The following ERMP1 variants were observed in gnomAD, a reference collection of about 807,000 sequenced individuals.
The protein encoded by ERMP1 is endoplasmic reticulum metallopeptidase 1, also known as Felix-ina.
A neutral mutation model predicts 92.0 loss-of-function variants in ERMP1; 86 were observed. The ratio of observed to expected loss-of-function variants is 0.93; its 90% CI spans 0.79 to 1.12. The LOEUF is 1.12. ERMP1 is among the 50% of genes most tolerant of loss of function. The pLI is 0.00. For synonymous variants in ERMP1, 530 were observed against 412.8 expected, an observed-to-expected ratio of 1.28 and a Z score of -3.44; for missense variants, 1,342 against 1,116.3, an observed-to-expected ratio of 1.20 and a Z score of -2.88.
intron 6 of ERMP1, among the ~76,000 whole-genome samples, chr9:5,857,321 C>T (rs551957581): frequency 3.9e-5 from 6 of 152,148 alleles, no homozygotes; most frequent in African/African-American, 9.6e-5. Flanking sequence ...TGTGCATGGC[C>T]GAAATTTTTT....
intron 6 of ERMP1, among the ~76,000 whole-genome samples, chr9:5,859,438 A>G (rs192764163): frequency 1.3e-5 from 2 of 152,332 alleles, no homozygotes; most frequent in Admixed American, 6.5e-5. Flanking sequence ...GAGGAATTTA[A>G]TAACTAATCT....
rs1334782333 is a variant in ERMP1, at chr9:5,786,005, TG to T, written c.*1138del. 1.3e-5 allele frequency: 2 copies of T among 152,242 alleles called. No homozygotes were observed. Among genetic ancestry groups the T allele is most frequent in the African/African-American group, 4.8e-5 (2 of 41,454 alleles). The allele number at this position is 152,242 out of a possible 1,614,324, so 9.4% of individuals were successfully genotyped here. On this transcript the variant is annotated 3_prime_UTR_variant, in exon 15 of 15. Coordinates refer to ENST00000339450, the MANE Select transcript of ERMP1 (RefSeq NM_024896.3). ...ATGAAAACCACCTTTTAAGTCCTCATGCTGCCATTACGCAGGATCTGAACCA... is the reference window on the plus strand; with the variant it reads ...ATGAAAACCACCTTTTAAGTCCTCATCTGCCATTACGCAGGATCTGAACCA...
chr9:5,832,543 G>T, intron 1 of ERMP1, 147 bp downstream of exon 1: 1 of 586,858 alleles, frequency 1.7e-6, no homozygotes, highest in Non-Finnish European at 2.7e-6. Flanking sequence ...GGACAAGCAA[G>T]GTCACCCCAC....
chr9:5,787,279 G>A lies in ERMP1; in HGVS notation c.2580C>T (p.Val860=), dbSNP rs745552069. ...QVSEEHPEGM[V]TVAIAAHYLS... ...GATAGTGGGCAGCAATGGCCACGGTGACCATTCCTTCAGGATGTTCTTCTG... is the reference window on the plus strand; with the variant it reads ...GATAGTGGGCAGCAATGGCCACGGTAACCATTCCTTCAGGATGTTCTTCTG... The change falls in exon 15 of 15, where the codon GTC becomes GTT. Residue 860 remains valine, a synonymous_variant. Coordinates refer to ENST00000339450, the MANE Select transcript of ERMP1 (RefSeq NM_024896.3). The A allele has an allele frequency of 3.1e-5, 50 of 1,613,576 alleles. No individual in the cohort carries two copies. Among genetic ancestry groups the A allele is most frequent in the Non-Finnish European group, 4.2e-5 (50 of 1,179,866 alleles).
At chr9:5,798,509 C>G (rs907851316) in intron 12 of ERMP1, among the ~76,000 whole-genome samples, 3 of 152,152 alleles carry the variant, frequency 2.0e-5, no homozygotes, top group African/African-American at 4.8e-5. Context: ...AGCCACCGTG[C>G]CCGGCCACAA....
At chr9:5,799,968 C>G (rs1020236191) in intron 11 of ERMP1, among the ~76,000 whole-genome samples, 17 of 152,136 alleles carry the variant, frequency 1.1e-4, no homozygotes, top group Non-Finnish European at 2.1e-4. Flanking sequence ...AGGACTATAA[C>G]AAGGAATTGT....
chr9:5,854,719 G>T (rs1830352452), intron 6 of ERMP1, among the ~76,000 whole-genome samples: 1 of 152,076 alleles, frequency 6.6e-6, no homozygotes, highest in Non-Finnish European at 1.5e-5. Context: ...TAGATATGGG[G>T]TTTTGCCATG....
Position 5,823,929 on chromosome 9 carries a change from C to T in ERMP1, c.841G>A (p.Gly281Ser). ...IRAFINLEAA[G>S]VGGKELVFQT... ...AATACAAGTTCTTTCCCTCCTACAC[C>T]TGCTGCCTCTAGGTTAATGAATGCA... is the stretch of plus-strand genomic sequence containing the variant. The change falls in exon 4 of 15, where the codon GGT becomes AGT. Residue 281 changes from glycine (G) to serine (S), a missense_variant. Coordinates refer to ENST00000339450, the MANE Select transcript of ERMP1 (RefSeq NM_024896.3). 6.2e-7 allele frequency: 1 copy of T among 1,614,062 alleles called. No homozygotes were observed. Among genetic ancestry groups the T allele is most frequent in the East Asian group, 2.2e-5 (1 of 44,882 alleles).
chr9:5,835,350 A>ATGCGCG (rs146674564), upstream of ERMP1, among the ~76,000 whole-genome samples: 1 of 150,354 alleles, frequency 6.7e-6, no homozygotes, highest in African/African-American at 2.4e-5. Flanking sequence ...GAGACAATGA[A>ATGCGCG]CGCGCGCGCG....
At chr9:5,795,867 A>G (rs576070033) in intron 13 of ERMP1, among the ~76,000 whole-genome samples, 50 of 152,332 alleles carry the variant, frequency 3.3e-4, no homozygotes, top group Middle Eastern at 3.4e-3. Flanking sequence ...CCTAGATCTA[A>G]TAAGTGATTA....
chr9:5,814,784 G>C (rs369827363), intron 4 of ERMP1, among the ~76,000 whole-genome samples: 1 of 152,200 alleles, frequency 6.6e-6, no homozygotes, highest in South Asian at 2.1e-4. Flanking sequence ...GGACCCTATA[G>C]AAACAGACAT....
intron 13 of ERMP1, among the ~76,000 whole-genome samples, chr9:5,795,536 T>C (rs955011310): frequency 6.6e-6 from 1 of 152,190 alleles, no homozygotes; most frequent in African/African-American, 2.4e-5. Flanking sequence ...TCCCAGCACT[T>C]TGAGAGGCTG....
chr9:5,809,315 C>T (rs1327184764), intron 8 of ERMP1, among the ~76,000 whole-genome samples: 5 of 152,212 alleles, frequency 3.3e-5, no homozygotes, highest in African/African-American at 9.7e-5. Flanking sequence ...CCACCGCGCC[C>T]GGCCAGCCCT....
intron 6 of ERMP1, chr9:5,856,322 G>A: frequency 4.4e-6 from 1 of 228,706 alleles, no homozygotes; most frequent in Non-Finnish European, 9.1e-6. Flanking sequence ...TGTTGGCCTT[G>A]GTGTTCTCCC....
intron 13 of ERMP1, among the ~76,000 whole-genome samples, chr9:5,789,890 C>T (rs894587279): frequency 1.4e-5 from 2 of 144,396 alleles, no homozygotes; most frequent in Admixed American, 7.2e-5. Flanking sequence ...CCCCGTGTTG[C>T]CCAGGCTGGT....
intron 6 of ERMP1, among the ~76,000 whole-genome samples, chr9:5,849,339 C>T (rs1586839066): frequency 6.6e-6 from 1 of 152,110 alleles, no homozygotes; most frequent in Non-Finnish European, 1.5e-5. Context: ...TTGATTTTTA[C>T]AGCCTGTAGG....
chr9:5,786,885 G>C lies in ERMP1; in HGVS notation c.*259C>G. 1 of 296,490 alleles carries C rather than the reference G, an allele frequency of 3.4e-6. No homozygotes were observed. The highest frequency in any genetic ancestry group is 6.3e-6 in the Non-Finnish European group (1 of 159,050). The allele number at this position is 296,490 out of a possible 1,614,324, so 18.4% of individuals were successfully genotyped here. A position where few individuals can be genotyped will look rare whatever the true frequency, so the allele number is the denominator to read the frequency against. Reference sequence around the variant, plus strand: ...CTTTGTCCTTAAGGTCATATAAAATGACGTGTGTGTAGTGGCAGTACCCAC... The same window carrying C: ...CTTTGTCCTTAAGGTCATATAAAATCACGTGTGTGTAGTGGCAGTACCCAC... On this transcript the variant is annotated 3_prime_UTR_variant, in exon 15 of 15. Transcript: ENST00000339450.
intron 3 of ERMP1, among the ~76,000 whole-genome samples, chr9:5,824,221 C>G (rs1033767984): frequency 1.3e-5 from 2 of 152,176 alleles, no homozygotes; most frequent in African/African-American, 2.4e-5. Context: ...AGAAGGCAGC[C>G]TGGTGACCAT....
At chr9:5,845,743 T>C (rs1311320046) in intron 6 of ERMP1, among the ~76,000 whole-genome samples, 1 of 152,214 alleles carries the variant, frequency 6.6e-6, no homozygotes, top group African/African-American at 2.4e-5. Flanking sequence ...TGGAGTCAAC[T>C]CTTGCCTCAG....
Sources: gnomAD v4.1 joint callset for allele counts (sites outside exome capture counted in the v4.1 genomes callset) on GRCh38, gnomAD v4.1.1 for gene constraint, MANE v1.5 for transcripts, NCBI Gene and HGNC (gene_info 2026-07-23, HGNC 2026-07-21) for gene names.